Variants in ZNF559 observed in about 807,000 individuals in gnomAD.
ZNF559 encodes the protein zinc finger protein 559, also known as putative protein product of Nbla00121.
Under a neutral mutation model 14.2 loss-of-function variants are expected in ZNF559, and 17 were observed. The ratio of observed to expected loss-of-function variants is 1.20; its 90% CI spans 0.82 to 1.80. ZNF559 has a LOEUF of 1.80. Among genes scored for constraint, ZNF559 ranks in the 40% most tolerant of loss-of-function variants. The pLI, the probability that ZNF559 is intolerant of heterozygous loss-of-function variation, is 0.00. For synonymous variants in ZNF559, 244 were observed against 212.4 expected (o/e 1.15, Z -1.29); for missense variants, 740 against 629.7 (o/e 1.18, Z -1.88).
At chr19:9,332,272 T>C (rs999463969) in intron 2 of ZNF559, among the ~76,000 whole-genome samples, 1 of 152,188 alleles carries the variant, frequency 6.6e-6, no homozygotes, top group African/African-American at 2.4e-5. Flanking sequence ...TACATTTGAA[T>C]ATCAATCTGG....
chr19:9,335,555 C>CT (rs953083489), intron 2 of ZNF559, among the ~76,000 whole-genome samples: 8 of 152,010 alleles, frequency 5.3e-5, no homozygotes, highest in African/African-American at 1.9e-4. Flanking sequence ...CTTTTTTCTT[C>CT]TTTTTTTGTT....
chr19:9,338,631 A>T (rs2067370813), intron 4 of ZNF559, 49 bp downstream of exon 4: 2 of 1,411,720 alleles, frequency 1.4e-6, no homozygotes, highest in Non-Finnish European at 2.0e-6. Flanking sequence ...TCTTCCTACC[A>T]TGTAGATGTG....
intron 4 of ZNF559, among the ~76,000 whole-genome samples, 198 bp downstream of exon 4, chr19:9,338,780 GTT>G (rs2067379456): frequency 6.6e-6 from 1 of 152,112 alleles, no homozygotes; most frequent in African/African-American, 2.4e-5. Flanking sequence ...CTATCCCACT[GTT>G]TACTAATTCA....
chr19:9,339,166 G>C (rs1236911145), intron 4 of ZNF559, 27 bp from the exon 5 acceptor site: 1 of 1,612,552 alleles, frequency 6.2e-7, no homozygotes, highest in Non-Finnish European at 8.5e-7. Flanking sequence ...GTACTTGCCT[G>C]ACGCCAGCAT....
intron 2 of ZNF559, among the ~76,000 whole-genome samples, chr19:9,326,135 A>G (rs2066588658): frequency 1.0e-5 from 1 of 95,794 alleles, no homozygotes; most frequent in Admixed American, 1.6e-4. Flanking sequence ...TTTTTTTGAG[A>G]CGGAGTCTGT....
chr19:9,342,177 A>T lies in ZNF559; in HGVS notation c.726A>T (p.Glu242Asp), dbSNP rs749929820. 44 of 1,607,892 alleles carry T rather than the reference A, an allele frequency of 2.7e-5. No homozygotes were observed. In the East Asian group the frequency reaches 9.1e-4, roughly 33 times the overall value. ...CTCAAGATGGAGAAAAATTCTATGAATGTAAAGCATGTGGGAAACCCTTCA... is the reference window on the plus strand; with the variant it reads ...CTCAAGATGGAGAAAAATTCTATGATTGTAAAGCATGTGGGAAACCCTTCA... ...MQTQDGEKFY[E>D]CKACGKPFTE... Residue 242 changes from glutamate (E) to aspartate (D), a missense_variant, in exon 7 of 7, where the codon GAA (glutamate) becomes GAT (aspartate). Physicochemically the swap from Glu to Asp is conservative, Grantham distance 45. Transcript: ENST00000603380.
chr19:9,323,918 C>A, upstream of ZNF559: 1 of 560,850 alleles, frequency 1.8e-6, no homozygotes, highest in Non-Finnish European at 3.2e-6. Context: ...CAAATCCCAG[C>A]TCTTGTTCTT....
chr19:9,326,204 C>T (rs2066593533), intron 2 of ZNF559, among the ~76,000 whole-genome samples: 2 of 142,616 alleles, frequency 1.4e-5, no homozygotes, highest in South Asian at 2.2e-4. Context: ...CTGCCTCCTG[C>T]GTTCAAGCGA....
At chr19:9,330,746 T>G (rs967875258) in intron 2 of ZNF559, among the ~76,000 whole-genome samples, 1 of 152,240 alleles carries the variant, frequency 6.6e-6, no homozygotes, top group Non-Finnish European at 1.5e-5. Flanking sequence ...TTTAACTCAC[T>G]GATCTTTAAG....
In ZNF559 at chr19:9,324,215, C is replaced by G. The variant is rs946165663; in HGVS notation, c.-219C>G. ...GGCCGCCATCTTAACAGCGCGTTCC[C>G]GTTGGCGTCTGAGGTAAGTTTTTGT... On this transcript the variant is annotated 5_prime_UTR_variant, in exon 1 of 7. Transcript: ENST00000603380. 2 of 1,536,094 alleles carry G rather than the reference C, an allele frequency of 1.3e-6. No individual in the cohort carries two copies. Among genetic ancestry groups the G allele is most frequent in the Non-Finnish European group, 1.7e-6 (2 of 1,146,882 alleles).
chr19:9,340,752 ATT>A (rs1183987125), intron 5 of ZNF559, among the ~76,000 whole-genome samples: 1 of 58,558 alleles, frequency 1.7e-5, no homozygotes, highest in Non-Finnish European at 3.6e-5. Flanking sequence ...TTTTTTTTGT[ATT>A]TTAGTAAAGA....
intron 2 of ZNF559, among the ~76,000 whole-genome samples, chr19:9,328,587 G>T (rs1206191266): frequency 1.3e-5 from 2 of 151,628 alleles, no homozygotes; most frequent in Non-Finnish European, 2.9e-5. Flanking sequence ...CCTGACCTCA[G>T]GTGGTCTCAA....
At chr19:9,336,895 G>A (rs776925933) in intron 2 of ZNF559, among the ~76,000 whole-genome samples, 61 of 152,096 alleles carry the variant, frequency 4.0e-4, no homozygotes, top group African/African-American at 1.4e-3. Context: ...CCACCCTCAC[G>A]CTCAGTGATG....
intron 2 of ZNF559, among the ~76,000 whole-genome samples, chr19:9,329,032 C>T (rs116407145): frequency 1.3e-5 from 2 of 152,250 alleles, no homozygotes; most frequent in Admixed American, 1.3e-4. Context: ...GTCATTAGAA[C>T]TGCTTTGTTC....
chr19:9,326,892 T>C, intron 2 of ZNF559, among the ~76,000 whole-genome samples: 1 of 152,226 alleles, frequency 6.6e-6, no homozygotes, highest in Non-Finnish European at 1.5e-5. Context: ...CAAACATACT[T>C]AAAAGTTTTT....
Position 9,343,265 on chromosome 19 carries a change from C to T in ZNF559, c.*197C>T. 7.2e-7 allele frequency: 1 copy of T among 1,397,240 alleles called. No homozygotes were observed. Among genetic ancestry groups the T allele is most frequent in the Non-Finnish European group, 9.3e-7 (1 of 1,077,394 alleles). 86.6% of individuals were successfully genotyped at this position (1,397,240 alleles called of 1,614,324 possible). On this transcript the variant is annotated 3_prime_UTR_variant, in exon 7 of 7. Coordinates refer to ENST00000603380, the MANE Select transcript of ZNF559 (RefSeq NM_032497.3). ...AATGTGGGAAAATCTTGGCTCCTTC[C>T]ATAGGCCTTACTATTCATGTGTCTG... is the stretch of plus-strand genomic sequence containing the variant.
Position 9,342,994 on chromosome 19 carries a change from C to T in ZNF559, c.1543C>T (p.His515Tyr). 2 of 1,614,132 alleles carry T rather than the reference C, an allele frequency of 1.2e-6. No homozygotes were observed. The highest frequency in any genetic ancestry group is 1.7e-6 in the Non-Finnish European group (2 of 1,180,022). ...STYLIRHLRS[H>Y]SVEKPYKECG... ...ATATCTTATTCGACATCTAAGAAGT[C>T]ATAGTGTGGAGAAACCATATAAGGA... The change falls in exon 7 of 7, where the codon CAT becomes TAT. Residue 515 changes from histidine (H) to tyrosine (Y), a missense_variant. His to Tyr is a moderately conservative substitution (Grantham distance 83). Coordinates refer to ENST00000603380, the MANE Select transcript of ZNF559 (RefSeq NM_032497.3).
At chr19:9,330,680 T>C (rs2066890760) in intron 2 of ZNF559, among the ~76,000 whole-genome samples, 1 of 152,228 alleles carries the variant, frequency 6.6e-6, no homozygotes, top group Non-Finnish European at 1.5e-5. Context: ...GGGTTGAATT[T>C]CTCACTTCAT....
At chr19:9,325,658 C>T (rs1334086195) in intron 2 of ZNF559, among the ~76,000 whole-genome samples, 1 of 151,814 alleles carries the variant, frequency 6.6e-6, no homozygotes, top group Non-Finnish European at 1.5e-5. Context: ...CGGGCGTGGG[C>T]ACCTGTAATC....
Sources: allele counts gnomAD v4.1 joint callset (sites outside exome capture counted in the v4.1 genomes callset), GRCh38; gene constraint gnomAD v4.1.1; transcripts MANE v1.5; gene names NCBI Gene and HGNC (gene_info 2026-07-23, HGNC 2026-07-21).